The following C3orf20 variants were observed in gnomAD, a reference collection of about 807,000 sequenced individuals.
C3orf20 encodes family with sequence similarity 149 member C, also known as uncharacterized protein C3orf20.
Under a neutral mutation model 88.3 loss-of-function variants are expected in C3orf20, and 76 were observed. The ratio of observed to expected loss-of-function variants is 0.86; its 90% CI spans 0.72 to 1.04. C3orf20 has a LOEUF of 1.04. C3orf20 is among the 50% of genes least tolerant of loss of function. C3orf20 has a pLI of 0.00. For synonymous variants in C3orf20, 436 were observed against 437.4 expected, an observed-to-expected ratio of 1.00 and a Z score of 0.04; for missense variants, 1,056 against 1,123.3, an observed-to-expected ratio of 0.94 and a Z score of 0.86.
At chr3:14,698,144 A>G (rs1244857021) in intron 5 of C3orf20, among the ~76,000 whole-genome samples, 2 of 152,250 alleles carry the variant, frequency 1.3e-5, no homozygotes, top group Admixed American at 6.5e-5. Flanking sequence ...ACTGTCTTCA[A>G]TCTCTTCGTT....
chr3:14,705,110 GC>G (rs1400214710), intron 7 of C3orf20, among the ~76,000 whole-genome samples: 2 of 152,190 alleles, frequency 1.3e-5, no homozygotes, highest in Admixed American at 1.3e-4. Flanking sequence ...TATCTCCTGG[GC>G]CCTGACTGCT....
At chr3:14,689,729 T>C (rs2032618753) in intron 4 of C3orf20, among the ~76,000 whole-genome samples, 1 of 151,886 alleles carries the variant, frequency 6.6e-6, no homozygotes, top group African/African-American at 2.4e-5. Flanking sequence ...TCACTTTTCG[T>C]GCTTGCTTGC....
At chr3:14,751,441 G>A (rs922587360) in intron 12 of C3orf20, among the ~76,000 whole-genome samples, 1 of 152,236 alleles carries the variant, frequency 6.6e-6, no homozygotes, top group Non-Finnish European at 1.5e-5. Flanking sequence ...GGAAGCACAA[G>A]GCGTCAAGGG....
At chr3:14,734,106 G>T (rs2034627342) in intron 12 of C3orf20, among the ~76,000 whole-genome samples, 1 of 152,012 alleles carries the variant, frequency 6.6e-6, no homozygotes, top group Non-Finnish European at 1.5e-5. Flanking sequence ...TTTTCTCCTT[G>T]ATTAGTCCCA....
intron 12 of C3orf20, among the ~76,000 whole-genome samples, chr3:14,752,239 C>T (rs1163646978): frequency 6.6e-6 from 1 of 152,136 alleles, no homozygotes; most frequent in African/African-American, 2.4e-5. Context: ...GGAAAGGATT[C>T]CCTATTTAAT....
In C3orf20 at chr3:14,707,852, T is replaced by G. The variant is rs549886373; in HGVS notation, c.1160+3234T>G. Among the ~76,000 whole-genome samples, 70 of 149,640 alleles carry G rather than the reference T, an allele frequency of 4.7e-4. 1 individual carries two copies. The South Asian group carries it at 0.014, about 31-fold the overall frequency. Reference sequence around the variant, plus strand: ...TTTTTTTTTTGAGACAGAGTTTCGCTCTTGTTGCCCAGGCTGGAGTACAAT... The same window carrying G: ...TTTTTTTTTTGAGACAGAGTTTCGCGCTTGTTGCCCAGGCTGGAGTACAAT... On this transcript the variant is annotated intron_variant, in intron 7 of 16. Transcript: ENST00000253697.
intron 8 of C3orf20, 123 bp downstream of exon 8, chr3:14,714,282 T>A: frequency 9.1e-7 from 1 of 1,094,864 alleles, no homozygotes; most frequent in Non-Finnish European, 1.3e-6. Context: ...AGAGATCTAG[T>A]AAGGCAGTGA....
At chr3:14,696,126 T>TA (rs2032986816) in intron 5 of C3orf20, among the ~76,000 whole-genome samples, 1 of 151,318 alleles carries the variant, frequency 6.6e-6, no homozygotes, top group Admixed American at 6.6e-5. Context: ...CTTGTTTTTT[T>TA]TTTTTATTTT....
chr3:14,763,951 G>A (rs1168573164), intron 15 of C3orf20, among the ~76,000 whole-genome samples: 1 of 152,118 alleles, frequency 6.6e-6, no homozygotes, highest in Non-Finnish European at 1.5e-5. Context: ...CAATTGTTCA[G>A]GAATGGTGAG....
At chr3:14,744,709 C>T (rs1291535580) in intron 12 of C3orf20, among the ~76,000 whole-genome samples, 4 of 151,798 alleles carry the variant, frequency 2.6e-5, no homozygotes, top group Non-Finnish European at 5.9e-5. Flanking sequence ...TACATGGCGA[C>T]GACAAGAGAA....
intron 7 of C3orf20, among the ~76,000 whole-genome samples, chr3:14,709,713 T>C (rs1249312229): frequency 6.6e-6 from 1 of 152,236 alleles, no homozygotes; most frequent in Non-Finnish European, 1.5e-5. Flanking sequence ...ATTCCTGGGA[T>C]AAACCACACC....
chr3:14,764,433 C>T (rs1421827895), intron 15 of C3orf20, among the ~76,000 whole-genome samples: 1 of 152,120 alleles, frequency 6.6e-6, no homozygotes. Flanking sequence ...TAATCCGTAT[C>T]TGTGAAACAA....
intron 11 of C3orf20, 28 bp downstream of exon 11, chr3:14,727,052 C>T: frequency 6.2e-7 from 1 of 1,613,430 alleles, no homozygotes; most frequent in Non-Finnish European, 8.5e-7. Context: ...TGGGCGAAGG[C>T]CTATCTGTTG....
At position 14,757,368 on chromosome 3, in the gene C3orf20, C is replaced by A; in HGVS notation, c.1941-3C>A. 6.2e-7 allele frequency: 1 copy of A among 1,609,610 alleles called. No homozygotes were observed. Among genetic ancestry groups the A allele is most frequent in the Non-Finnish European group, 8.5e-7 (1 of 1,178,634 alleles). On this transcript the variant is annotated splice_region_variant and splice_polypyrimidine_tract_variant and intron_variant, in intron 12 of 16. Coordinates refer to ENST00000253697, the MANE Select transcript of C3orf20 (RefSeq NM_032137.5). The stretch of plus-strand genomic sequence containing the variant: ...TCCCTGTGCACTGTGCTCCTCCTTG[C>A]AGAGGGAAGGCCCGCGAGGGGCGCA...
In C3orf20 at chr3:14,728,507, A is replaced by G; in HGVS notation, c.1759A>G (p.Arg587Gly). 1.2e-6 allele frequency: 2 copies of G among 1,614,156 alleles called. No homozygotes were observed. ...EEFVRFKMRS[R>G]THPERLPKLS... is the part of the protein sequence containing the mutation. ...ATTTGTTCGGTTCAAGATGAGATCC[A>G]GAACTCATCCCGAGCGGCTCCCCAA... is the stretch of plus-strand genomic sequence containing the variant. Residue 587 changes from arginine (R) to glycine (G), a missense_variant, in exon 12 of 17, where the codon AGA becomes GGA. Physicochemically the swap from Arg to Gly is moderately radical, Grantham distance 125. Transcript: ENST00000253697.
chr3:14,738,823 T>G (rs538028320), intron 12 of C3orf20, among the ~76,000 whole-genome samples: 265 of 146,886 alleles, frequency 1.8e-3, no homozygotes, highest in African/African-American at 3.8e-3. Context: ...TTGTTTTTTT[T>G]TTTTTTTTTT....
At chr3:14,736,316 A>T (rs1426489963) in intron 12 of C3orf20, among the ~76,000 whole-genome samples, 3 of 149,744 alleles carry the variant, frequency 2.0e-5, no homozygotes, top group African/African-American at 4.9e-5. Flanking sequence ...TTTGAGACAG[A>T]GTCTTGCTCT....
At chr3:14,751,907 C>T (rs750391196) in intron 12 of C3orf20, among the ~76,000 whole-genome samples, 1 of 152,158 alleles carries the variant, frequency 6.6e-6, no homozygotes, top group Non-Finnish European at 1.5e-5. Flanking sequence ...CCATACTACC[C>T]AAGATAATTT....
intron 4 of C3orf20, among the ~76,000 whole-genome samples, chr3:14,685,439 CCT>C (rs566893132): frequency 4.8e-4 from 66 of 136,234 alleles, no homozygotes; most frequent in Middle Eastern, 3.6e-3. Context: ...CACCCAGTGA[CCT>C]CTCTCTCTCT....
Sources: gnomAD v4.1 joint callset for allele counts (sites outside exome capture counted in the v4.1 genomes callset) on GRCh38, gnomAD v4.1.1 for gene constraint, MANE v1.5 for transcripts, NCBI Gene and HGNC (gene_info 2026-07-23, HGNC 2026-07-21) for gene names.